PCDH7: variants seen among roughly 807,000 people sequenced by gnomAD.
PCDH7 encodes the protein protocadherin 7, also known as protocadherin-7.
A neutral mutation model predicts 58.9 loss-of-function variants in PCDH7; 17 were observed. The ratio of observed to expected loss-of-function variants is 0.29; its 90% CI spans 0.20 to 0.43. PCDH7 has a LOEUF of 0.43. Ranked by LOEUF, PCDH7 falls within the 20% of genes least tolerant of loss-of-function variation. The probability of loss-of-function intolerance (pLI) is 1.00; values close to 1 mark genes in which losing one functional copy is unlikely to be tolerated. For missense variants in PCDH7, 1,274 were observed against 1,441.0 expected, an observed-to-expected ratio of 0.88 and a Z score of 1.88; for synonymous variants, 664 against 616.4, an observed-to-expected ratio of 1.08 and a Z score of -1.14.
chr4:31,144,129 G>A (rs1720523337), downstream of PCDH7: 1 of 152,082 alleles, frequency 6.6e-6, no homozygotes, highest in East Asian at 1.9e-4. Context: ...CTTGTTCAGT[G>A]CACACTTTGA....
intron 1 of PCDH7, among the ~76,000 whole-genome samples, chr4:30,841,030 G>A (rs922355257): frequency 1.3e-5 from 2 of 151,882 alleles, no homozygotes; most frequent in African/African-American, 2.4e-5. Context: ...CACTTAAAAC[G>A]TAAGACTATG....
intron 3 of PCDH7, among the ~76,000 whole-genome samples, chr4:31,020,088 T>A (rs1753909149): frequency 6.6e-6 from 1 of 152,166 alleles, no homozygotes; most frequent in South Asian, 2.1e-4. Flanking sequence ...TACAGACCCC[T>A]AGTCCCATTG....
At chr4:31,075,564 A>G (rs1532561) in intron 3 of PCDH7, among the ~76,000 whole-genome samples, 5,935 of 152,272 alleles carry the variant, frequency 0.039, 405 homozygotes, top group East Asian at 0.33. Flanking sequence ...TAATTTAGAT[A>G]TGCACTAGGA....
chr4:30,778,828 A>G (rs1298043100), intron 1 of PCDH7, among the ~76,000 whole-genome samples: 2 of 152,082 alleles, frequency 1.3e-5, no homozygotes, highest in East Asian at 3.9e-4. Flanking sequence ...TTGTGATATA[A>G]TTCTCATAAT....
chr4:30,758,292 G>A (rs192078035), intron 1 of PCDH7, among the ~76,000 whole-genome samples: 216 of 152,318 alleles, frequency 1.4e-3, no homozygotes, highest in African/African-American at 4.9e-3. Flanking sequence ...GACCAGCATG[G>A]TGGGAGAGGG....
chr4:31,139,652 T>G (rs1367267312), intron 3 of PCDH7, among the ~76,000 whole-genome samples: 2 of 152,228 alleles, frequency 1.3e-5, no homozygotes, highest in African/African-American at 4.8e-5. Context: ...AAAAATACTT[T>G]TCCACTCATG....
intron 1 of PCDH7, among the ~76,000 whole-genome samples, chr4:30,886,197 G>C: frequency 6.7e-6 from 1 of 149,254 alleles, no homozygotes; most frequent in East Asian, 2.0e-4. Flanking sequence ...CCTACAAAAT[G>C]GGAGAAAATT....
intron 1 of PCDH7, among the ~76,000 whole-genome samples, chr4:30,759,411 G>A (rs1719742605): frequency 2.0e-5 from 3 of 152,182 alleles, no homozygotes; most frequent in East Asian, 3.9e-4. Context: ...CTTAGAATTC[G>A]GTGAATCGGC....
intron 3 of PCDH7, among the ~76,000 whole-genome samples, chr4:31,050,457 A>G (rs964012362): frequency 6.6e-6 from 1 of 152,250 alleles, no homozygotes; most frequent in South Asian, 2.1e-4. Flanking sequence ...GAAAAATAAA[A>G]CTATATATAC....
At chr4:31,060,627 A>T (rs1757613057) in intron 3 of PCDH7, among the ~76,000 whole-genome samples, 1 of 151,752 alleles carries the variant, frequency 6.6e-6, no homozygotes, top group Non-Finnish European at 1.5e-5. Flanking sequence ...AACAGCAATC[A>T]TTTCTTACCA....
intron 1 of PCDH7, among the ~76,000 whole-genome samples, chr4:30,751,466 T>C (rs923420362): frequency 5.9e-5 from 9 of 152,166 alleles, no homozygotes; most frequent in Non-Finnish European, 1.2e-4. Flanking sequence ...CTAAAACACA[T>C]TGGAAAATAT....
chr4:31,047,808 C>T (rs1163803919), intron 3 of PCDH7, among the ~76,000 whole-genome samples: 1 of 152,042 alleles, frequency 6.6e-6, no homozygotes, highest in Non-Finnish European at 1.5e-5. Flanking sequence ...TTCCTTGAGG[C>T]TCCTATTTAT....
intron 3 of PCDH7, among the ~76,000 whole-genome samples, chr4:31,061,900 T>C (rs190302023): frequency 6.6e-6 from 1 of 151,854 alleles, no homozygotes; most frequent in East Asian, 1.9e-4. Context: ...ACTTTGTTTA[T>C]TGAATTTAGG....
chr4:30,968,367 A>AG (rs1749211066), intron 3 of PCDH7, among the ~76,000 whole-genome samples: 1 of 124,862 alleles, frequency 8.0e-6, no homozygotes, highest in African/African-American at 3.0e-5. Context: ...CACTATATAT[A>AG]TACACACACT....
intron 3 of PCDH7, among the ~76,000 whole-genome samples, chr4:31,009,070 A>G (rs779783136): frequency 3.9e-5 from 6 of 152,158 alleles, no homozygotes; most frequent in East Asian, 1.9e-4. Flanking sequence ...TTATTGACAC[A>G]TAAGTGAAAG....
At chr4:30,920,432 C>T (rs1371457506) in intron 2 of PCDH7, 63 bp downstream of exon 2, 16 of 1,210,246 alleles carry the variant, frequency 1.3e-5, no homozygotes, top group Non-Finnish European at 1.8e-5. Flanking sequence ...AGTAGACTCG[C>T]GAAGGTCAGT....
At chr4:30,943,056 C>T (rs1746245609) in intron 2 of PCDH7, among the ~76,000 whole-genome samples, 1 of 151,894 alleles carries the variant, frequency 6.6e-6, no homozygotes, top group Non-Finnish European at 1.5e-5. Context: ...TATGGGTTTG[C>T]AAAAACCTGC....
intron 1 of PCDH7, among the ~76,000 whole-genome samples, chr4:30,851,238 A>G (rs777505121): frequency 1.3e-5 from 2 of 151,806 alleles, no homozygotes; most frequent in East Asian, 1.9e-4. Flanking sequence ...AGAGGGATAC[A>G]TTTCATTTTT....
At chr4:31,015,599 C>T (rs12512727) in intron 3 of PCDH7, among the ~76,000 whole-genome samples, 15,785 of 152,198 alleles carry the variant, frequency 0.1, 2,199 homozygotes, top group African/African-American at 0.32. Context: ...TCTAAAATCT[C>T]ACACTACCCA....
Sources: allele counts gnomAD v4.1 joint callset (sites outside exome capture counted in the v4.1 genomes callset), GRCh38; gene constraint gnomAD v4.1.1; transcripts MANE v1.5; gene names NCBI Gene and HGNC (gene_info 2026-07-23, HGNC 2026-07-21).